The following ALPP variants were observed in gnomAD, a reference collection of about 807,000 sequenced individuals.
The protein encoded by ALPP is alkaline phosphatase, placental type.
In ALPP, 39 loss-of-function variants were observed where a neutral mutation model predicts 50.7. The observed-to-expected ratio is 0.77, with a 90% CI of 0.60 to 1.00. The LOEUF (loss-of-function observed/expected upper bound fraction) is 1.00, where lower values mean the gene tolerates loss of function less well. Ranked by LOEUF, ALPP falls within the 50% of genes least tolerant of loss-of-function variation. The probability of loss-of-function intolerance (pLI) is 0.00; values close to 1 mark genes in which losing one functional copy is unlikely to be tolerated. For synonymous variants in ALPP, 226 were observed against 320.3 expected (o/e 0.71, Z 3.14); for missense variants, 550 against 746.8 (o/e 0.74, Z 3.07).
Position 232,381,691 on chromosome 2 carries a change from G to T in ALPP, c.1504G>T (p.Ala502Ser). 6.2e-7 allele frequency: 1 copy of T among 1,608,720 alleles called. No homozygotes were observed. Among genetic ancestry groups the T allele is most frequent in the Non-Finnish European group, 8.5e-7 (1 of 1,178,590 alleles). ...PYTACDLAPP[A>S]GTTDAAHPGR... ...CACCGCCTGCGACCTGGCGCCCCCC[G>T]CCGGCACCACCGACGCCGCGCACCC... The change falls in exon 11 of 11, where the codon GCC (alanine) becomes TCC (serine). Residue 502 changes from alanine to serine, a missense_variant. Ala to Ser is a moderately conservative substitution (Grantham distance 99, BLOSUM62 1). Coordinates refer to ENST00000392027, the MANE Select transcript of ALPP (RefSeq NM_001632.5).
rs371998009 is a variant in ALPP at position 232,379,363 on chromosome 2, C to T, written c.309+48C>T. ...GTCCTCCAAGCACAGAAGGGGAATC[C>T]TGGCTATGGAGTGTGGTAGGAGGGA... On this transcript the variant is annotated intron_variant, in intron 3 of 10. Coordinates refer to ENST00000392027, the MANE Select transcript of ALPP (RefSeq NM_001632.5). The T allele has an allele frequency of 8.7e-6, 14 of 1,606,826 alleles. No individual in the cohort carries two copies. The African/African-American group carries it at 1.9e-4, about 22-fold the overall frequency.
Position 232,379,915 on chromosome 2 carries a change from C to T in ALPP, c.636C>T (p.Leu212=). 1.2e-6 allele frequency: 2 copies of T among 1,610,750 alleles called. No homozygotes were observed. The highest frequency in any genetic ancestry group is 1.1e-5 in the South Asian group (1 of 90,466). Reference sequence around the variant, plus strand: ...GGTGCCAGGACATCGCTACGCAGCTCATCTCCAACATGGACATTGACGTGC... The same window carrying T: ...GGTGCCAGGACATCGCTACGCAGCTTATCTCCAACATGGACATTGACGTGC... ...QEGCQDIATQ[L]ISNMDIDVIL... The change falls in exon 5 of 11, where the codon CTC becomes CTT. Residue 212 remains leucine (L), a synonymous_variant. Transcript: ENST00000392027.
In ALPP at chr2:232,380,275, G is replaced by T; in HGVS notation, c.747G>T (p.Arg249Ser). The change falls in exon 6 of 11, where the codon AGG (arginine) becomes AGT (serine). Residue 249 changes from arginine to serine, a missense_variant. By Grantham distance (110) the Arg-to-Ser change is moderately radical. Around this residue, in one of 5 missense-constraint regions of ALPP, gnomAD observed 376 missense variants for 388.5 expected, o/e 0.97. Transcript: ENST00000392027. ...YPDDYSQGGT[R>S]LDGKNLVQEW... The stretch of plus-strand genomic sequence containing the variant: ...ATGACTACAGCCAAGGTGGGACCAG[G>T]CTGGACGGGAAGAATCTGGTGCAGG... 2 of 1,614,092 alleles carry T rather than the reference G, an allele frequency of 1.2e-6. No individual in the cohort carries two copies. Among genetic ancestry groups the T allele is most frequent in the African/African-American group, 1.3e-5 (1 of 75,028 alleles).
chr2:232,380,345 G>A, intron 6 of ALPP, 25 bp downstream of exon 6: 1 of 1,613,402 alleles, frequency 6.2e-7, no homozygotes, highest in South Asian at 1.1e-5. Flanking sequence ...CGGGTGCAGG[G>A]GGCACAGCAG....
intron 3 of ALPP, 42 bp from the exon 4 acceptor site, chr2:232,379,471 G>C (rs752574754): frequency 1.2e-6 from 2 of 1,609,710 alleles, no homozygotes; most frequent in Admixed American, 1.7e-5. Context: ...CTGGGTCTCC[G>C]TGTCTGCCCC....
chr2:232,381,466 C>G (rs1696710449), intron 10 of ALPP, 31 bp from the exon 11 acceptor site: 2 of 1,612,536 alleles, frequency 1.2e-6, no homozygotes, highest in East Asian at 4.5e-5. Context: ...ACTGAATGAA[C>G]CCTCCTACCG....
chr2:232,379,655 T>C lies in ALPP; in HGVS notation c.452T>C (p.Val151Ala). The C allele has an allele frequency of 1.2e-6, 2 of 1,613,894 alleles. No homozygotes were observed. The highest frequency in any genetic ancestry group is 1.7e-6 in the Non-Finnish European group (2 of 1,179,956). ...TGCAACACGACACGCGGCAACGAGG[T>C]CATCTCCGTGATGAATCGGGCCAAG... is the stretch of plus-strand genomic sequence containing the variant. ...NQCNTTRGNE[V>A]ISVMNRAKKA... Residue 151 changes from valine (V) to alanine (A), a missense_variant, in exon 4 of 11, where the codon GTC becomes GCC. Physicochemically the swap from Val to Ala is moderately conservative, Grantham distance 64. Around this residue, in one of 5 missense-constraint regions of ALPP, gnomAD observed 376 missense variants for 388.5 expected, o/e 0.97. Transcript: ENST00000392027.
In ALPP at chr2:232,379,904, G is replaced by A. The variant is rs138033708; in HGVS notation, c.625G>A (p.Ala209Thr). ...SARQEGCQDI[A>T]TQLISNMDID... ...CCGCCAGGAGGGGTGCCAGGACATC[G>A]CTACGCAGCTCATCTCCAACATGGA... is the stretch of plus-strand genomic sequence containing the variant. Residue 209 changes from alanine (A) to threonine (T), a missense_variant, in exon 5 of 11, where the codon GCT becomes ACT. Ala to Thr is a moderately conservative substitution (Grantham distance 58). Around this residue, in one of 5 missense-constraint regions of ALPP, gnomAD observed 376 missense variants for 388.5 expected, o/e 0.97. Coordinates refer to ENST00000392027, the MANE Select transcript of ALPP (RefSeq NM_001632.5). The A allele has an allele frequency of 1.1e-5, 17 of 1,612,216 alleles. No individual in the cohort carries two copies. The highest frequency in any genetic ancestry group is 9.9e-5 in the South Asian group (9 of 90,788).
Position 232,379,281 on chromosome 2 carries a change from C to G in ALPP, c.275C>G (p.Ala92Gly). The G allele has an allele frequency of 1.9e-6, 3 of 1,614,074 alleles. No individual in the cohort carries two copies. Among genetic ancestry groups the G allele is most frequent in the Non-Finnish European group, 2.5e-6 (3 of 1,180,012 alleles). The change falls in exon 3 of 11, where the codon GCC becomes GGC. Residue 92 changes from alanine (A) to glycine (G), a missense_variant. By Grantham distance (60) the Ala-to-Gly change is moderately conservative (BLOSUM62 0). Around this residue, in one of 5 missense-constraint regions of ALPP, gnomAD observed 376 missense variants for 388.5 expected, o/e 0.97. Transcript: ENST00000392027. The stretch of plus-strand genomic sequence containing the variant: ...AAACTGGGGCCTGAGATACCCCTGG[C>G]CATGGACCGCTTCCCATATGTGGCT... ...KDKLGPEIPLAMDRFPYVALS... is the reference protein window; with the variant it reads ...KDKLGPEIPLGMDRFPYVALS...
chr2:232,378,928 C>G (rs1696647984), intron 1 of ALPP, 43 bp from the exon 2 acceptor site: 1 of 1,613,964 alleles, frequency 6.2e-7, no homozygotes, highest in Non-Finnish European at 8.5e-7. Flanking sequence ...ACAGGGCACC[C>G]CCCAGCCCAG....
At position 232,379,777 on chromosome 2, in the gene ALPP, A is replaced by G; in HGVS notation, c.498A>G (p.Gly166=). 1 of 1,613,934 alleles carries G rather than the reference A, an allele frequency of 6.2e-7. No homozygotes were observed. The highest frequency in any genetic ancestry group is 8.5e-7 in the Non-Finnish European group (1 of 1,180,040). Reference sequence around the variant, plus strand: ...TGACACCCTTAGGGAAGTCAGTGGGAGTGGTAACCACCACACGAGTGCAGC... The same window carrying G: ...TGACACCCTTAGGGAAGTCAGTGGGGGTGGTAACCACCACACGAGTGCAGC... ...NRAKKAGKSV[G]VVTTTRVQHA... Residue 166 remains glycine, a synonymous_variant, in exon 5 of 11, where the codon GGA becomes GGG. Coordinates refer to ENST00000392027, the MANE Select transcript of ALPP (RefSeq NM_001632.5).
In ALPP at chr2:232,382,082, AC is replaced by A; in HGVS notation, c.*289del. ...AGGGGGCTCAGGCCATCCAGCCACC[AC>A]CTACAGCCCAGTGGGTACCAGGCAG... On this transcript the variant is annotated 3_prime_UTR_variant, in exon 11 of 11. Coordinates refer to ENST00000392027, the MANE Select transcript of ALPP (RefSeq NM_001632.5). 1.7e-6 allele frequency: 1 copy of A among 574,180 alleles called. No individual in the cohort carries two copies. The highest frequency in any genetic ancestry group is 3.1e-6 in the Non-Finnish European group (1 of 327,220). 35.6% of individuals were successfully genotyped at this position (574,180 alleles called of 1,614,324 possible).
In ALPP at chr2:232,381,672, C is replaced by T. The variant is rs1696717009; in HGVS notation, c.1485C>T (p.Ala495=). Reference sequence around the variant, plus strand: ...CCGCCTGCCTGGAGCCCTACACCGCCTGCGACCTGGCGCCCCCCGCCGGCA... The same window carrying T: ...CCGCCTGCCTGGAGCCCTACACCGCTTGCGACCTGGCGCCCCCCGCCGGCA... The part of the protein sequence containing the change: ...AFAACLEPYT[A]CDLAPPAGTT... The change falls in exon 11 of 11, where the codon GCC becomes GCT. Residue 495 remains alanine, a synonymous_variant. Coordinates refer to ENST00000392027, the MANE Select transcript of ALPP (RefSeq NM_001632.5). 1 of 1,609,822 alleles carries T rather than the reference C, an allele frequency of 6.2e-7. No individual in the cohort carries two copies. The highest frequency in any genetic ancestry group is 8.5e-7 in the Non-Finnish European group (1 of 1,178,764).
At position 232,381,891 on chromosome 2, in the gene ALPP, C is replaced by T. The variant is rs1241500789; in HGVS notation, c.*96C>T. On this transcript the variant is annotated 3_prime_UTR_variant, in exon 11 of 11. Coordinates refer to ENST00000392027, the MANE Select transcript of ALPP (RefSeq NM_001632.5). ...CTGGCCTCCAGCCCGAGTCGTCATCCCCGGAGTCCCTATACAGAGGTCCTG... is the reference window on the plus strand; with the variant it reads ...CTGGCCTCCAGCCCGAGTCGTCATCTCCGGAGTCCCTATACAGAGGTCCTG... 5 of 1,477,698 alleles carry T rather than the reference C, an allele frequency of 3.4e-6. No homozygotes were observed. The African/African-American group carries it at 4.2e-5, about 12-fold the overall frequency. 91.5% of individuals were successfully genotyped at this position (1,477,698 alleles called of 1,614,324 possible).
In ALPP at chr2:232,378,850, G is replaced by T; in HGVS notation, c.48G>T (p.Arg16Ser). 6.2e-7 allele frequency: 1 copy of T among 1,614,008 alleles called. No individual in the cohort carries two copies. The highest frequency in any genetic ancestry group is 1.1e-5 in the South Asian group (1 of 91,050). Residue 16 changes from arginine to serine, a missense_variant, in exon 1 of 11, where the codon AGG (arginine) becomes AGT (serine). Physicochemically the swap from Arg to Ser is moderately radical, Grantham distance 110. Around this residue, in one of 5 missense-constraint regions of ALPP, gnomAD observed 376 missense variants for 388.5 expected, o/e 0.97. Transcript: ENST00000392027. ...TGCTGCTGCTGCTGCTGGGCCTGAG[G>T]CTACAGCTCTCCCTGGGCATCATCC... ...MLLLLLLLGLRLQLSLGIIPV... is the reference protein window; with the variant it reads ...MLLLLLLLGLSLQLSLGIIPV...
chr2:232,380,070 A>T, intron 5 of ALPP, 116 bp from the exon 6 acceptor site: 1 of 1,578,538 alleles, frequency 6.3e-7, no homozygotes, highest in Non-Finnish European at 8.6e-7. Context: ...TAGAAGGTGC[A>T]GCCCAGGCTG....
Position 232,380,409 on chromosome 2 carries a change from C to T in ALPP, c.793-11C>T. On this transcript the variant is annotated splice_polypyrimidine_tract_variant and intron_variant, in intron 6 of 10. Coordinates refer to ENST00000392027, the MANE Select transcript of ALPP (RefSeq NM_001632.5). The stretch of plus-strand genomic sequence containing the variant: ...CTGTGGGCTGAGGCCTGGCTCTCTC[C>T]CTCCCCACAGGGTGCCCGGTATGTG... 1 of 1,613,804 alleles carries T rather than the reference C, an allele frequency of 6.2e-7. No individual in the cohort carries two copies. The highest frequency in any genetic ancestry group is 8.5e-7 in the Non-Finnish European group (1 of 1,179,938).
At chr2:232,380,522 C>A (rs770628632) in intron 7 of ALPP, 30 bp downstream of exon 7, 23 of 1,614,004 alleles carry the variant, frequency 1.4e-5, no homozygotes, top group Non-Finnish European at 1.9e-5. Flanking sequence ...CCTGGCATCC[C>A]TCAGATGGCC....
At position 232,381,944 on chromosome 2, in the gene ALPP, T is replaced by A; in HGVS notation, c.*149T>A. The A allele has an allele frequency of 7.9e-7, 1 of 1,273,096 alleles. No individual in the cohort carries two copies. The highest frequency in any genetic ancestry group is 1.1e-6 in the Non-Finnish European group (1 of 948,326). 78.9% of individuals were successfully genotyped at this position (1,273,096 alleles called of 1,614,324 possible). On this transcript the variant is annotated 3_prime_UTR_variant, in exon 11 of 11. Transcript: ENST00000392027. ...ATGGAACCTTCCCCTCCCCGTGCGC[T>A]CTGGGGACTGAGCCCATGACACCAA...
Sources: gnomAD v4.1 joint callset for allele counts on GRCh38, gnomAD v4.1.1 for gene constraint, gnomAD v4.1.1 regional missense constraint, MANE v1.5 for transcripts, NCBI Gene and HGNC (gene_info 2026-07-23, HGNC 2026-07-21) for gene names.